The following PRRG1 variants were observed in gnomAD, a reference collection of about 807,000 sequenced individuals.
PRRG1 encodes the protein proline rich and Gla domain 1, also known as transmembrane gamma-carboxyglutamic acid protein 1.
Under a neutral mutation model 11.8 loss-of-function variants are expected in PRRG1, and 5 were observed. The observed-to-expected ratio is 0.42, with a 90% CI of 0.22 to 0.89. The LOEUF is 0.89. PRRG1 is among the 40% of genes least tolerant of loss of function. PRRG1 has a pLI of 0.28. For synonymous variants in PRRG1, 66 were observed against 60.4 expected, an observed-to-expected ratio of 1.09 and a Z score of -0.43; for missense variants, 155 against 166.1, an observed-to-expected ratio of 0.93 and a Z score of 0.37.
chrX:37,435,936 C>T (rs962734946), intron 3 of PRRG1, among the ~76,000 whole-genome samples: 9 of 111,750 alleles, frequency 8.1e-5, no homozygotes, highest in African/African-American at 2.0e-4. Context: ...GTAAGAAGCT[C>T]ACATTAAGGG....
intron 3 of PRRG1, among the ~76,000 whole-genome samples, chrX:37,450,542 G>A (rs1177749671): frequency 1.8e-5 from 2 of 112,174 alleles, no homozygotes; most frequent in Non-Finnish European, 3.8e-5. Context: ...ATGCAAGCAA[G>A]CGTGCAAAAA....
chrX:37,400,122 CCAAGTGGGCCTAATAGACATCTA>C (rs1218683331), intron 1 of PRRG1, among the ~76,000 whole-genome samples: 1 of 111,501 alleles, frequency 9.0e-6, no homozygotes, highest in Non-Finnish European at 1.9e-5. Flanking sequence ...CAGCTCTGCA[CCAAGTGGGCCTAATAGACATCTA>C]CAGAACTCTT....
At chrX:37,391,768 G>T (rs1322586218) in intron 1 of PRRG1, among the ~76,000 whole-genome samples, 1 of 112,114 alleles carries the variant, frequency 8.9e-6, no homozygotes, top group African/African-American at 3.2e-5. Flanking sequence ...GTTTGATGTG[G>T]TATGCAATGA....
chrX:37,404,204 C>G (rs1467421325), intron 1 of PRRG1, among the ~76,000 whole-genome samples: 3 of 111,752 alleles, frequency 2.7e-5, no homozygotes, highest in African/African-American at 9.8e-5. Context: ...TATCACTGTC[C>G]CTGGTCAAGC....
chrX:37,430,423 C>T (rs1292926002), intron 3 of PRRG1, among the ~76,000 whole-genome samples: 2 of 111,962 alleles, frequency 1.8e-5, no homozygotes, highest in Non-Finnish European at 3.8e-5. Context: ...CAGGGCTCTT[C>T]CAGCCATTCT....
Position 37,371,133 on chromosome X carries a change from C to T in PRRG1, c.-42+21738C>T, listed in dbSNP as rs781822909. 2.7e-5 allele frequency among the ~76,000 whole-genome samples: 3 copies of T among 111,789 alleles called. No individual in the cohort carries two copies. In the East Asian group the frequency reaches 8.5e-4, roughly 32 times the overall value. On this transcript the variant is annotated intron_variant, in intron 1 of 3. Transcript: ENST00000378628. ...TTTTCCCAGCCCACCCATAGCCACT[C>T]ATGGACTAGTTAGTCAGCATGCACT... is the stretch of plus-strand genomic sequence containing the variant.
chrX:37,427,325 T>A (rs1932785500), intron 3 of PRRG1, among the ~76,000 whole-genome samples: 1 of 112,053 alleles, frequency 8.9e-6, no homozygotes, highest in Non-Finnish European at 1.9e-5. Context: ...ACTTATTTAA[T>A]GTATACGTTT....
intron 1 of PRRG1, chrX:37,403,692 C>T (rs1178001213): frequency 4.6e-6 from 3 of 649,283 alleles, no homozygotes; most frequent in Non-Finnish European, 3.7e-6. Flanking sequence ...TCTTAACACA[C>T]ACACACAGAC....
chrX:37,432,304 T>G (rs782588857), intron 3 of PRRG1, among the ~76,000 whole-genome samples: 25 of 89,986 alleles, frequency 2.8e-4, no homozygotes, highest in African/African-American at 1.7e-3. Context: ...GCCAGGATGG[T>G]CTCGATCTCC....
At chrX:37,448,303 T>C (rs1473336081) in intron 3 of PRRG1, among the ~76,000 whole-genome samples, 1 of 111,155 alleles carries the variant, frequency 9.0e-6, no homozygotes, top group Non-Finnish European at 1.9e-5. Flanking sequence ...ACACCCTGTG[T>C]AAATGAACAC....
chrX:37,392,524 A>G (rs1446200407), intron 1 of PRRG1, among the ~76,000 whole-genome samples: 3 of 104,886 alleles, frequency 2.9e-5, no homozygotes, highest in Non-Finnish European at 3.9e-5. Context: ...CCCTGTCTAT[A>G]CAAAAAAAAA....
intron 3 of PRRG1, chrX:37,441,453 A>G (rs1932975841): frequency 2.7e-6 from 2 of 753,325 alleles, no homozygotes; most frequent in South Asian, 6.8e-5. Context: ...GCCATTAGCC[A>G]TCCGCCTTCA....
intron 1 of PRRG1, among the ~76,000 whole-genome samples, chrX:37,398,748 A>G (rs1931820716): frequency 9.0e-6 from 1 of 111,720 alleles, no homozygotes; most frequent in African/African-American, 3.3e-5. Context: ...ATTTAGACGA[A>G]TGTATAACTA....
At chrX:37,396,725 G>A (rs1931724575) in intron 1 of PRRG1, among the ~76,000 whole-genome samples, 1 of 110,465 alleles carries the variant, frequency 9.1e-6, no homozygotes, top group South Asian at 3.8e-4. Flanking sequence ...CATTGTTACT[G>A]AATTGTAAAC....
At chrX:37,448,812 A>G (rs781796450) in intron 3 of PRRG1, among the ~76,000 whole-genome samples, 50 of 111,617 alleles carry the variant, frequency 4.5e-4, no homozygotes, top group Non-Finnish European at 9.0e-4. Flanking sequence ...GATACTTTTT[A>G]AAGAGCTAGA....
At chrX:37,394,030 C>T (rs1272321503) in intron 1 of PRRG1, among the ~76,000 whole-genome samples, 1 of 111,872 alleles carries the variant, frequency 8.9e-6, no homozygotes, top group Non-Finnish European at 1.9e-5. Flanking sequence ...TCCTAAGATC[C>T]TCCTATTTAC....
At chrX:37,400,715 A>G (rs1392838792) in intron 1 of PRRG1, among the ~76,000 whole-genome samples, 1 of 111,637 alleles carries the variant, frequency 9.0e-6, no homozygotes, top group African/African-American at 3.3e-5. Flanking sequence ...TGAAAGGATC[A>G]ACAAAATTGA....
chrX:37,398,015 CAT>C (rs35703969), intron 1 of PRRG1, among the ~76,000 whole-genome samples: 2,431 of 80,264 alleles, frequency 0.03, 63 homozygotes, highest in African/African-American at 0.14. Context: ...CACACACACA[CAT>C]ACACGCTGAA....
intron 3 of PRRG1, among the ~76,000 whole-genome samples, chrX:37,428,078 A>G (rs7882984): frequency 0.074 from 8,205 of 110,552 alleles, 758 homozygotes; most frequent in African/African-American, 0.25. Flanking sequence ...TGGCCCCCAT[A>G]ATTCAATTAC....
Sources: allele counts gnomAD v4.1 joint callset (sites outside exome capture counted in the v4.1 genomes callset), GRCh38; gene constraint gnomAD v4.1.1; transcripts MANE v1.5; gene names NCBI Gene and HGNC (gene_info 2026-07-23, HGNC 2026-07-21).